The following NTRK2 variants were observed in gnomAD, a reference collection of about 807,000 sequenced individuals.
The protein encoded by NTRK2 is neurotrophic receptor tyrosine kinase 2, also known as BDNF/NT-3 growth factors receptor.
A neutral mutation model predicts 94.5 loss-of-function variants in NTRK2; 13 were observed. The ratio of observed to expected loss-of-function variants is 0.14; its 90% confidence interval spans 0.09 to 0.22. NTRK2 has a LOEUF of 0.22. Ranked by LOEUF, NTRK2 falls within the 10% of genes least tolerant of loss-of-function variation. The pLI is 1.00. For missense variants in NTRK2, 639 were observed against 1,071.2 expected, an observed-to-expected ratio of 0.60 and a Z score of 5.63; for synonymous variants, 372 against 407.4, an observed-to-expected ratio of 0.91 and a Z score of 1.05.
intron 12 of NTRK2, among the ~76,000 whole-genome samples, chr9:84,770,912 C>G (rs1446651112): frequency 1.3e-5 from 2 of 152,206 alleles, no homozygotes; most frequent in African/African-American, 4.8e-5. Context: ...TCCCTGCTAA[C>G]TCTCCTTTCC....
chr9:84,977,344 T>G (rs1045065175), intron 17 of NTRK2, among the ~76,000 whole-genome samples: 2 of 152,194 alleles, frequency 1.3e-5, no homozygotes, highest in Non-Finnish European at 2.9e-5. Flanking sequence ...AGTGCTAAGT[T>G]TGGGGACCAT....
intron 14 of NTRK2, among the ~76,000 whole-genome samples, chr9:84,868,467 T>C (rs1323111591): frequency 1.3e-5 from 2 of 152,224 alleles, no homozygotes; most frequent in Admixed American, 1.3e-4. Context: ...CCAAGGCATG[T>C]TTAAGGTTGG....
chr9:84,740,243 G>A (rs2063544337), intron 9 of NTRK2, among the ~76,000 whole-genome samples: 1 of 152,186 alleles, frequency 6.6e-6, no homozygotes, highest in Admixed American at 6.5e-5. Flanking sequence ...CAGGAGGGCA[G>A]CCACTGGGAC....
chr9:84,735,060 A>G (rs536985224), intron 9 of NTRK2, among the ~76,000 whole-genome samples: 79 of 152,170 alleles, frequency 5.2e-4, no homozygotes, highest in Non-Finnish European at 7.1e-4. Context: ...CCTGACTCCA[A>G]TATTTAGGTA....
chr9:84,805,321 T>C (rs1249380409), intron 12 of NTRK2, among the ~76,000 whole-genome samples: 1 of 152,202 alleles, frequency 6.6e-6, no homozygotes, highest in Non-Finnish European at 1.5e-5. Flanking sequence ...CTCCAGCTAA[T>C]AAATGGACCA....
chr9:84,942,298 A>G (rs1254353635), intron 15 of NTRK2, among the ~76,000 whole-genome samples: 1 of 152,236 alleles, frequency 6.6e-6, no homozygotes, highest in African/African-American at 2.4e-5. Flanking sequence ...TGAATTTTGT[A>G]AGAATTTGAT....
intron 4 of NTRK2, among the ~76,000 whole-genome samples, chr9:84,707,616 T>A (rs1002713261): frequency 5.9e-5 from 9 of 152,038 alleles, no homozygotes; most frequent in African/African-American, 2.2e-4. Context: ...ACATTAAAAA[T>A]ACACAATATA....
intron 2 of NTRK2, among the ~76,000 whole-genome samples, chr9:84,688,526 T>C (rs2059855816): frequency 6.6e-6 from 1 of 152,102 alleles, no homozygotes; most frequent in South Asian, 2.1e-4. Flanking sequence ...GATATTATCA[T>C]AGACACAAGC....
At chr9:84,720,387 T>A (rs1000086306) in intron 6 of NTRK2, among the ~76,000 whole-genome samples, 1 of 152,224 alleles carries the variant, frequency 6.6e-6, no homozygotes, top group Non-Finnish European at 1.5e-5. Context: ...TGGATTTACA[T>A]ACTGAATATT....
chr9:84,675,981 A>G (rs780687942), intron 2 of NTRK2, among the ~76,000 whole-genome samples: 2 of 152,226 alleles, frequency 1.3e-5, no homozygotes, highest in Non-Finnish European at 2.9e-5. Context: ...GCTCAAAGTT[A>G]CAAAAATCTT....
intron 14 of NTRK2, chr9:84,874,872 A>C (rs1306339921): frequency 1.9e-6 from 2 of 1,056,782 alleles, no homozygotes; most frequent in African/African-American, 3.3e-5. Context: ...ACAGACTGGA[A>C]TGAGTTGGTC....
rs561079554 is a variant in NTRK2, at chr9:84,684,952, G to A, written c.212+13992G>A. On this transcript the variant is annotated intron_variant, in intron 2 of 18. Transcript: ENST00000277120. ...CTCCTCCTTCTCTTCCTCCTATTTTGTGAAGCAGAATTAAGTTTTTTTCTA... is the reference window on the plus strand; with the variant it reads ...CTCCTCCTTCTCTTCCTCCTATTTTATGAAGCAGAATTAAGTTTTTTTCTA... Among the ~76,000 whole-genome samples, 186 of 151,266 alleles carry A rather than the reference G, an allele frequency of 1.2e-3. 1 individual carries two copies. The highest frequency in any genetic ancestry group is 4.2e-3 in the African/African-American group (175 of 41,238).
chr9:84,759,153 A>G (rs146719805), intron 12 of NTRK2, among the ~76,000 whole-genome samples: 31 of 152,364 alleles, frequency 2.0e-4, no homozygotes, highest in African/African-American at 7.2e-4. Flanking sequence ...AAATGAATCT[A>G]GAGAAAAGAA....
chr9:84,871,337 A>G (rs2075858746), intron 14 of NTRK2, among the ~76,000 whole-genome samples: 2 of 152,192 alleles, frequency 1.3e-5, no homozygotes, highest in South Asian at 2.1e-4. Context: ...GGTGTTTATT[A>G]TTTTATGTGG....
chr9:84,908,151 CTG>C (rs2077131267), intron 14 of NTRK2, among the ~76,000 whole-genome samples: 1 of 152,224 alleles, frequency 6.6e-6, no homozygotes, highest in Non-Finnish European at 1.5e-5. Context: ...ACAAAGGAGT[CTG>C]TTTCATTTGT....
chr9:85,020,209 G>T lies in NTRK2; in HGVS notation c.2176G>T (p.Gly726Cys), dbSNP rs903676836. The change falls in exon 18 of 19, where the codon GGT becomes TGT. Residue 726 changes from glycine (G) to cysteine (C), a missense_variant. By Grantham distance (159) the Gly-to-Cys change is radical. This residue lies in a region of NTRK2 where 77 missense variants were observed against 203.6 expected (regional missense o/e 0.38). Transcript: ENST00000277120. The part of the protein sequence containing the change: ...DVYSTDYYRV[G>C]GHTMLPIRWM... Reference sequence around the variant, plus strand: ...CTGTTGATCCCTTTCTCCCCAGGTCGGTGGCCACACAATGCTGCCCATTCG... The same window carrying T: ...CTGTTGATCCCTTTCTCCCCAGGTCTGTGGCCACACAATGCTGCCCATTCG... 1 of 1,614,030 alleles carries T rather than the reference G, an allele frequency of 6.2e-7. No homozygotes were observed. Among genetic ancestry groups the T allele is most frequent in the Non-Finnish European group, 8.5e-7 (1 of 1,179,994 alleles).
At chr9:85,015,476 A>G (rs180969183) in intron 17 of NTRK2, among the ~76,000 whole-genome samples, 1 of 152,210 alleles carries the variant, frequency 6.6e-6, no homozygotes, top group Non-Finnish European at 1.5e-5. Flanking sequence ...AAGGTAGTGA[A>G]GACTGATCTG....
At chr9:84,969,812 A>G (rs151006635) in intron 17 of NTRK2, among the ~76,000 whole-genome samples, 40 of 152,354 alleles carry the variant, frequency 2.6e-4, no homozygotes, top group African/African-American at 8.9e-4. Flanking sequence ...AATTCTATCC[A>G]TGGATCCCTT....
rs1177086355 is a variant in NTRK2 at position 84,848,104 on chromosome 9, AG to A, written c.1397-12935del. Among the ~76,000 whole-genome samples, 296 of 152,018 alleles carry A rather than the reference AG, an allele frequency of 1.9e-3. 2 individuals are homozygous for A. The highest frequency in any genetic ancestry group is 6.9e-3 in the African/African-American group (287 of 41,440). On this transcript the variant is annotated intron_variant, in intron 12 of 18. Coordinates refer to ENST00000277120, the MANE Select transcript of NTRK2 (RefSeq NM_006180.6). The stretch of plus-strand genomic sequence containing the variant: ...CAGAGAGAGAGAGAGAGAGAGAGAG[AG>A]AGAGAGCTCAAGCATATGCTCTGGT...
Sources: gnomAD v4.1 joint callset for allele counts (sites outside exome capture counted in the v4.1 genomes callset) on GRCh38, gnomAD v4.1.1 for gene constraint, gnomAD v4.1.1 regional missense constraint, MANE v1.5 for transcripts, NCBI Gene and HGNC (gene_info 2026-07-23, HGNC 2026-07-21) for gene names.